Variants in EFL1 observed in about 807,000 individuals in gnomAD.
EFL1 encodes the protein elongation factor like GTPase 1.
Under a neutral mutation model 126.7 loss-of-function variants are expected in EFL1, and 76 were observed. The ratio of observed to expected loss-of-function variants is 0.60; its 90% CI spans 0.50 to 0.73. The LOEUF (loss-of-function observed/expected upper bound fraction) is 0.73. Ranked by LOEUF, EFL1 falls within the 30% of genes least tolerant of loss-of-function variation. EFL1 has a pLI of 0.00. For synonymous variants in EFL1, 410 were observed against 448.4 expected (o/e 0.91, Z 1.08); for missense variants, 1,128 against 1,343.2 (o/e 0.84, Z 2.50).
chr15:82,214,753 C>A lies in EFL1; in HGVS notation c.1714G>T (p.Glu572Ter). The A allele has an allele frequency of 1.3e-6, 2 of 1,599,710 alleles. No individual in the cohort carries two copies. Among genetic ancestry groups the A allele is most frequent in the Non-Finnish European group, 1.7e-6 (2 of 1,172,146 alleles). Residue 572 changes from glutamate (E) to a stop codon, truncating the protein, a stop_gained, in exon 15 of 20, where the codon GAA (glutamate) becomes TAA (stop). Coordinates refer to ENST00000268206, the MANE Select transcript of EFL1 (RefSeq NM_024580.6). LOFTEE classifies it high-confidence loss of function. ...NLYLLMGREL[E>*]YLEEVPPGNV... ...CCTGGAGGTACCTCCTCTAGATATT[C>A]CAGTTCCCTTCCCATCAGAAGATAC...
chr15:82,203,283 T>C (rs961747511), intron 15 of EFL1, among the ~76,000 whole-genome samples: 1 of 152,260 alleles, frequency 6.6e-6, no homozygotes. Context: ...CATTAACTTG[T>C]ACTTACTGTT....
At chr15:82,224,887 T>C (rs1191488624) in intron 12 of EFL1, among the ~76,000 whole-genome samples, 1 of 152,240 alleles carries the variant, frequency 6.6e-6, no homozygotes, top group East Asian at 1.9e-4. Flanking sequence ...ACATGTTTAA[T>C]AAAAGTTAAT....
At chr15:82,258,529 T>G (rs1245708025) in intron 3 of EFL1, among the ~76,000 whole-genome samples, 2 of 152,212 alleles carry the variant, frequency 1.3e-5, no homozygotes, top group Non-Finnish European at 2.9e-5. Flanking sequence ...CACTCTAGCC[T>G]GGGCAACAGA....
At chr15:82,235,472 C>G (rs950965427) in intron 7 of EFL1, among the ~76,000 whole-genome samples, 2 of 151,782 alleles carry the variant, frequency 1.3e-5, no homozygotes, top group Admixed American at 1.3e-4. Flanking sequence ...TGAATTTACT[C>G]AAGAATAAAG....
intron 15 of EFL1, among the ~76,000 whole-genome samples, chr15:82,179,786 C>T (rs918207359): frequency 4.6e-5 from 6 of 130,498 alleles, no homozygotes; most frequent in African/African-American, 1.8e-4. Context: ...AGGGGTCCAC[C>T]CTCACTTCTA....
At chr15:82,231,038 TC>T (rs371255562) in intron 7 of EFL1, 67 bp from the exon 8 acceptor site, 5 of 1,544,992 alleles carry the variant, frequency 3.2e-6, no homozygotes, top group Middle Eastern at 1.7e-4. Flanking sequence ...CAGGTACTGT[TC>T]AAACTTCTTT....
At chr15:82,188,824 C>A (rs2074328107) in intron 15 of EFL1, among the ~76,000 whole-genome samples, 1 of 151,540 alleles carries the variant, frequency 6.6e-6, no homozygotes, top group Non-Finnish European at 1.5e-5. Context: ...TCTTGGTTAG[C>A]TGCAGTACTA....
intron 15 of EFL1, among the ~76,000 whole-genome samples, chr15:82,174,543 G>A (rs2141253145): frequency 6.6e-6 from 1 of 152,260 alleles, no homozygotes; most frequent in South Asian, 2.1e-4. Context: ...AATCAATTTA[G>A]ACCCTAGAAA....
At chr15:82,215,398 T>C (rs940751463) in intron 14 of EFL1, among the ~76,000 whole-genome samples, 3 of 152,134 alleles carry the variant, frequency 2.0e-5, no homozygotes, top group African/African-American at 7.2e-5. Flanking sequence ...ATTGTTCATA[T>C]GGAAGAGCAT....
chr15:82,139,998 C>G (rs1249359202), intron 18 of EFL1, among the ~76,000 whole-genome samples: 2 of 152,094 alleles, frequency 1.3e-5, no homozygotes, highest in Non-Finnish European at 2.9e-5. Flanking sequence ...TTATTAGGAA[C>G]GGAAATAGGA....
intron 15 of EFL1, among the ~76,000 whole-genome samples, chr15:82,203,099 C>T (rs2074487925): frequency 6.6e-6 from 1 of 152,120 alleles, no homozygotes; most frequent in African/African-American, 2.4e-5. Context: ...GCGTGACCCA[C>T]CACGCCCAGA....
chr15:82,229,212 T>C, intron 8 of EFL1, 102 bp from the exon 9 acceptor site: 1 of 894,464 alleles, frequency 1.1e-6, no homozygotes. Context: ...CATTTCTACT[T>C]GAAAATATTT....
chr15:82,221,668 T>A (rs1216276420), intron 12 of EFL1, among the ~76,000 whole-genome samples: 1 of 152,110 alleles, frequency 6.6e-6, no homozygotes, highest in East Asian at 1.9e-4. Flanking sequence ...AATACAAAAA[T>A]ATGAGAAACA....
chr15:82,189,286 A>C (rs911677186), intron 15 of EFL1, among the ~76,000 whole-genome samples: 2 of 152,198 alleles, frequency 1.3e-5, no homozygotes, highest in Admixed American at 1.3e-4. Flanking sequence ...ACTGTTATGC[A>C]ATGCATGACT....
chr15:82,241,613 C>G (rs1247339095), intron 4 of EFL1, among the ~76,000 whole-genome samples: 1 of 152,218 alleles, frequency 6.6e-6, no homozygotes, highest in Admixed American at 6.5e-5. Context: ...TGTTAAAGGA[C>G]TTTATTATTC....
chr15:82,199,955 T>C lies in EFL1; in HGVS notation c.1750+14762A>G, dbSNP rs188842243. Among the ~76,000 whole-genome samples the C allele has an allele frequency of 1.1e-4, 16 of 152,310 alleles. No homozygotes were observed. The East Asian group carries it at 2.7e-3, about 26-fold the overall frequency. The stretch of plus-strand genomic sequence containing the variant: ...TGACAGAACCAGATTCAAAAATGAA[T>C]TATTGATACCCTCAAAATCAAACAA... On this transcript the variant is annotated intron_variant, in intron 15 of 19. Transcript: ENST00000268206.
At chr15:82,256,072 T>A (rs2075064033) in intron 3 of EFL1, among the ~76,000 whole-genome samples, 1 of 152,198 alleles carries the variant, frequency 6.6e-6, no homozygotes, top group Admixed American at 6.5e-5. Flanking sequence ...GGTATATCCT[T>A]CCATTTAAGT....
At chr15:82,196,423 G>A (rs1379696345) in intron 15 of EFL1, among the ~76,000 whole-genome samples, 4 of 152,186 alleles carry the variant, frequency 2.6e-5, no homozygotes, top group Admixed American at 2.0e-4. Context: ...AAAATCATTA[G>A]AGCATATTTT....
chr15:82,146,173 T>C (rs1047343456), intron 18 of EFL1, among the ~76,000 whole-genome samples: 1 of 152,154 alleles, frequency 6.6e-6, no homozygotes, highest in Admixed American at 6.5e-5. Context: ...CCTACAAAAT[T>C]TCCCATTTTG....
Sources: allele counts gnomAD v4.1 joint callset (sites outside exome capture counted in the v4.1 genomes callset), GRCh38; gene constraint gnomAD v4.1.1; transcripts MANE v1.5; gene names NCBI Gene and HGNC (gene_info 2026-07-23, HGNC 2026-07-21).